Variants in NOD1 observed in about 807,000 individuals in gnomAD.
NOD1 encodes nucleotide binding oligomerization domain containing 1, also known as nucleotide-binding oligomerization domain-containing protein 1.
NOD1 carries 70 observed loss-of-function variants against 81.2 expected under a neutral mutation model. The observed-to-expected ratio is 0.86, with a 90% CI of 0.71 to 1.05. The LOEUF (loss-of-function observed/expected upper bound fraction) is 1.05, where lower values mean the gene tolerates loss of function less well. NOD1 is among the 50% of genes least tolerant of loss of function. NOD1 has a pLI of 0.00. For synonymous variants in NOD1, 508 were observed against 526.9 expected (o/e 0.96, Z 0.49); for missense variants, 1,233 against 1,228.0 (o/e 1.00, Z -0.06).
At chr7:30,454,938 G>C (rs920521350) in intron 5 of NOD1, among the ~76,000 whole-genome samples, 199 bp downstream of exon 5, 1 of 152,198 alleles carries the variant, frequency 6.6e-6, no homozygotes, top group African/African-American at 2.4e-5. Context: ...CTATAAACCA[G>C]ACCATCGAGG....
chr7:30,435,983 G>C lies in NOD1; in HGVS notation c.2621+15C>G. 6.2e-7 allele frequency: 1 copy of C among 1,601,186 alleles called. No homozygotes were observed. Among genetic ancestry groups the C allele is most frequent in the Non-Finnish European group, 8.6e-7 (1 of 1,168,240 alleles). On this transcript the variant is annotated intron_variant, in intron 11 of 13. Transcript: ENST00000222823. ...AGAAAAACAAACAAACAAATGAAAT[G>C]ACTCGAGCTATTACCACAGTATTTC... is the stretch of plus-strand genomic sequence containing the variant.
In NOD1 at chr7:30,448,292, A is replaced by G. The variant is rs926190068; in HGVS notation, c.2285+6T>C. The stretch of plus-strand genomic sequence containing the variant: ...AGTTGGCCCAGTGTTCTGGAGAAAG[A>G]CATACCCCAAATAGGTCACAATTTT... On this transcript the variant is annotated splice_donor_region_variant and intron_variant, in intron 7 of 13. Coordinates refer to ENST00000222823, the MANE Select transcript of NOD1 (RefSeq NM_006092.4). 1 of 1,610,424 alleles carries G rather than the reference A, an allele frequency of 6.2e-7. No homozygotes were observed. Among genetic ancestry groups the G allele is most frequent in the Non-Finnish European group, 8.5e-7 (1 of 1,176,576 alleles).
chr7:30,433,280 T>A, intron 11 of NOD1, 101 bp from the exon 12 acceptor site: 1 of 849,014 alleles, frequency 1.2e-6, no homozygotes, highest in Non-Finnish European at 1.9e-6. Flanking sequence ...TCTCCAGCTA[T>A]GCAGATGATC....
In NOD1 at chr7:30,452,785, A is replaced by G. The variant is rs1310653106; in HGVS notation, c.632T>C (p.Leu211Pro). The change falls in exon 6 of 14, where the codon CTG becomes CCG. Residue 211 changes from leucine (L) to proline (P), a missense_variant. By Grantham distance (98) the Leu-to-Pro change is moderately conservative. Coordinates refer to ENST00000222823, the MANE Select transcript of NOD1 (RefSeq NM_006092.4). ...CCAGAGGCTCTGCAGCCGCTGTAGC[A>G]GCATGGACTTGCCCACCCCAGCATC... The part of the protein sequence containing the change: ...LGDAGVGKSM[L>P]LQRLQSLWAT... 6.2e-7 allele frequency: 1 copy of G among 1,614,160 alleles called. No individual in the cohort carries two copies. Among genetic ancestry groups the G allele is most frequent in the Non-Finnish European group, 8.5e-7 (1 of 1,180,036 alleles).
At position 30,424,817 on chromosome 7, in the gene NOD1, T is replaced by A. The variant is rs1783314992; in HGVS notation, c.*821A>T. On this transcript the variant is annotated 3_prime_UTR_variant, in exon 14 of 14. Coordinates refer to ENST00000222823, the MANE Select transcript of NOD1 (RefSeq NM_006092.4). Reference sequence around the variant, plus strand: ...AGGGGCAAGCCATGCCCTATTTCTTTGGAGGGACAGAATCACTTCTTCCCA... The same window carrying A: ...AGGGGCAAGCCATGCCCTATTTCTTAGGAGGGACAGAATCACTTCTTCCCA... The A allele has an allele frequency of 6.6e-6, 1 of 152,256 alleles. No homozygotes were observed. The highest frequency in any genetic ancestry group is 2.4e-5 in the African/African-American group (1 of 41,446). 9.4% of individuals were successfully genotyped at this position (152,256 alleles called of 1,614,324 possible).
At chr7:30,433,053 T>C (rs1583665946) in intron 12 of NOD1, 43 bp downstream of exon 12, 1 of 1,431,736 alleles carries the variant, frequency 7.0e-7, no homozygotes, top group Non-Finnish European at 9.8e-7. Flanking sequence ...AAAATACTTT[T>C]GAAAAGTAGC....
Position 30,437,577 on chromosome 7 carries a change from G to A in NOD1, c.2533C>T (p.Leu845=), listed in dbSNP as rs746781734. Residue 845 remains leucine (L), a synonymous_variant, in exon 10 of 14, where the codon CTG becomes TTG. Coordinates refer to ENST00000222823, the MANE Select transcript of NOD1 (RefSeq NM_006092.4). ...ALRNHPSLTT[L]SLASNGISTE... is the part of the protein sequence containing the mutation. ...AGACAGCAGGGCCACAGTTACCTCA[G>A]GGTGGTCAAGCTGGGGTGGTTCCGC... is the stretch of plus-strand genomic sequence containing the variant. 6.6e-6 allele frequency: 10 copies of A among 1,504,530 alleles called. No homozygotes were observed. The highest frequency in any genetic ancestry group is 2.8e-5 in the Admixed American group (1 of 35,240). The allele number at this position is 1,504,530 out of a possible 1,614,324, so 93.2% of individuals were successfully genotyped here.
At chr7:30,438,283 A>T (rs1273903357) in intron 9 of NOD1, among the ~76,000 whole-genome samples, 1 of 152,220 alleles carries the variant, frequency 6.6e-6, no homozygotes, top group Non-Finnish European at 1.5e-5. Flanking sequence ...TCTCTGGCTA[A>T]AACAGTCTGC....
chr7:30,446,960 C>T lies in NOD1; in HGVS notation c.2369+7G>A. ...ATACTAAGGAACCTGGTGCCTACCC[C>T]ACTTACTTAAGATGCGTGAGGCCTT... On this transcript the variant is annotated splice_region_variant and intron_variant, in intron 8 of 13. Transcript: ENST00000222823. The T allele has an allele frequency of 1.2e-6, 2 of 1,610,276 alleles. No homozygotes were observed. Among genetic ancestry groups the T allele is most frequent in the East Asian group, 2.2e-5 (1 of 44,854 alleles).
rs771567280 is a variant in NOD1, at chr7:30,448,374, C to T, written c.2209G>A (p.Val737Ile). Residue 737 changes from valine (V) to isoleucine (I), a missense_variant, in exon 7 of 14, where the codon GTA becomes ATA. Coordinates refer to ENST00000222823, the MANE Select transcript of NOD1 (RefSeq NM_006092.4). Reference protein sequence around the residue: ...FSRLTVLRLSVNQITDGGVKV... With the variant: ...FSRLTVLRLSINQITDGGVKV... ...ACCCCACCGTCAGTGATCTGGTTTA[C>T]GCTGAGTCTGAAATAAAACAGCAAA... 42 of 1,613,780 alleles carry T rather than the reference C, an allele frequency of 2.6e-5. No homozygotes were observed. Among genetic ancestry groups the T allele is most frequent in the Admixed American group, 1.3e-4 (8 of 60,000 alleles).
intron 9 of NOD1, among the ~76,000 whole-genome samples, chr7:30,439,481 A>C (rs903576149): frequency 7.3e-6 from 1 of 137,752 alleles, no homozygotes; most frequent in South Asian, 2.4e-4. Flanking sequence ...TTCCGAGTCA[A>C]AGAAAGGGGT....
chr7:30,458,241 G>C (rs1215454836), intron 3 of NOD1, among the ~76,000 whole-genome samples: 1 of 152,118 alleles, frequency 6.6e-6, no homozygotes, highest in Non-Finnish European at 1.5e-5. Context: ...AAATCCCACA[G>C]AAGATCCTTC....
At chr7:30,468,602 A>C (rs1050095429) in intron 1 of NOD1, among the ~76,000 whole-genome samples, 1 of 152,214 alleles carries the variant, frequency 6.6e-6, no homozygotes, top group Non-Finnish European at 1.5e-5. Flanking sequence ...ATATTCATTT[A>C]TTGAATGAAC....
chr7:30,450,006 A>G (rs1175438141), intron 6 of NOD1, among the ~76,000 whole-genome samples: 1 of 152,238 alleles, frequency 6.6e-6, no homozygotes, highest in Non-Finnish European at 1.5e-5. Context: ...CAGCCTGGCC[A>G]ACATGGGGAA....
chr7:30,471,767 C>T (rs1472173875), intron 1 of NOD1, among the ~76,000 whole-genome samples: 5 of 152,334 alleles, frequency 3.3e-5, no homozygotes, highest in Admixed American at 6.5e-5. Flanking sequence ...CTCCACTCTT[C>T]GGGGTCTTTT....
At chr7:30,432,925 T>C (rs1288998640) in intron 12 of NOD1, among the ~76,000 whole-genome samples, 171 bp downstream of exon 12, 4 of 152,080 alleles carry the variant, frequency 2.6e-5, no homozygotes, top group African/African-American at 9.7e-5. Context: ...CCAGGGCTTT[T>C]TGGAGTGGGG....
chr7:30,437,488 G>C, intron 10 of NOD1, 85 bp downstream of exon 10: 1 of 813,264 alleles, frequency 1.2e-6, no homozygotes, highest in Non-Finnish European at 1.8e-6. Context: ...TCTTCTATTA[G>C]GAGCACGAAT....
rs376537154 is a variant in NOD1 at position 30,455,263 on chromosome 7, C to T, written c.250G>A (p.Glu84Lys). 8 of 1,614,148 alleles carry T rather than the reference C, an allele frequency of 5.0e-6. No homozygotes were observed. The highest frequency in any genetic ancestry group is 2.2e-5 in the South Asian group (2 of 91,082). The change falls in exon 5 of 14, where the codon GAG (glutamate) becomes AAG (lysine). Residue 84 changes from glutamate (E) to lysine (K), a missense_variant. By Grantham distance (56) the Glu-to-Lys change is moderately conservative (BLOSUM62 1). Transcript: ENST00000222823. ...LVQSKGEEVS[E>K]FFLYLLQQLA... ...TGCTGGAGCAAGTAGAGGAAGAACT[C>T]GGACACCTCCTCGCCCTTGCTCTGT...
intron 7 of NOD1, chr7:30,447,255 C>T: frequency 1.4e-6 from 1 of 693,526 alleles, no homozygotes; most frequent in Admixed American, 2.5e-5. Context: ...TGGCCTGAGA[C>T]AAGTCACGTT....
Sources: allele counts gnomAD v4.1 joint callset (sites outside exome capture counted in the v4.1 genomes callset), GRCh38; gene constraint gnomAD v4.1.1; transcripts MANE v1.5; gene names NCBI Gene and HGNC (gene_info 2026-07-23, HGNC 2026-07-21).